THADA: variants seen among roughly 807,000 people sequenced by gnomAD.
THADA encodes the protein tRNA (32-2'-O)-methyltransferase regulator THADA.
A neutral mutation model predicts 219.8 loss-of-function variants in THADA; 213 were observed. The ratio of observed to expected loss-of-function variants is 0.97; its 90% confidence interval spans 0.87 to 1.09. The LOEUF (loss-of-function observed/expected upper bound fraction) is 1.09. THADA is among the 50% of genes least tolerant of loss of function. THADA has a pLI of 0.00. For synonymous variants in THADA, 1,018 were observed against 828.9 expected (o/e 1.23, Z -3.92); for missense variants, 2,956 against 2,311.3 (o/e 1.28, Z -5.72).
At chr2:43,515,087 T>TA (rs1287003380) in intron 22 of THADA, among the ~76,000 whole-genome samples, 14 of 9,348 alleles carry the variant, frequency 1.5e-3, no homozygotes, top group South Asian at 2.7e-3. Context: ...TATATATAAA[T>TA]ATATATATTA....
In THADA at chr2:43,320,555, A is replaced by C; in HGVS notation, c.4344-15T>G. Reference sequence around the variant, plus strand: ...ATGGATTTTGCCTAGAAAGGTAAAGAACAGAATATAAATTGAGATTTTCTC... The same window carrying C: ...ATGGATTTTGCCTAGAAAGGTAAAGCACAGAATATAAATTGAGATTTTCTC... On this transcript the variant is annotated splice_polypyrimidine_tract_variant and intron_variant, in intron 30 of 37. Coordinates refer to ENST00000405975, the MANE Select transcript of THADA (RefSeq NM_022065.5). 1 of 1,589,832 alleles carries C rather than the reference A, an allele frequency of 6.3e-7. No homozygotes were observed. Among genetic ancestry groups the C allele is most frequent in the Non-Finnish European group, 8.6e-7 (1 of 1,161,562 alleles).
chr2:43,487,330 A>G (rs1462610366), intron 25 of THADA, among the ~76,000 whole-genome samples: 1 of 152,180 alleles, frequency 6.6e-6, no homozygotes, highest in Admixed American at 6.5e-5. Flanking sequence ...TCTTGCCCTA[A>G]GCCATACTTT....
chr2:43,421,071 T>C (rs762984522), intron 28 of THADA, among the ~76,000 whole-genome samples: 2 of 152,196 alleles, frequency 1.3e-5, no homozygotes, highest in Non-Finnish European at 2.9e-5. Flanking sequence ...TATTTCAAAA[T>C]GTATGTATCT....
chr2:43,257,868 G>A (rs1035105934), intron 36 of THADA, among the ~76,000 whole-genome samples: 4 of 152,150 alleles, frequency 2.6e-5, no homozygotes, highest in African/African-American at 4.8e-5. Flanking sequence ...TGAGGGTAGG[G>A]GAAAGTCACA....
At chr2:43,325,758 T>C (rs549377801) in intron 30 of THADA, among the ~76,000 whole-genome samples, 1 of 152,242 alleles carries the variant, frequency 6.6e-6, no homozygotes. Context: ...TTTTGTTATG[T>C]ATCAGCTTTC....
intron 24 of THADA, among the ~76,000 whole-genome samples, chr2:43,503,823 T>C (rs954806621): frequency 6.6e-6 from 1 of 152,090 alleles, no homozygotes; most frequent in Non-Finnish European, 1.5e-5. Flanking sequence ...ATTAATCACC[T>C]TGAAGTAGAG....
intron 14 of THADA, among the ~76,000 whole-genome samples, chr2:43,569,020 G>A (rs189182720): frequency 6.6e-6 from 1 of 152,106 alleles, no homozygotes; most frequent in Non-Finnish European, 1.5e-5. Flanking sequence ...TGCTCAGGAT[G>A]GAGTGCAGTG....
At chr2:43,403,466 T>C (rs921237783) in intron 28 of THADA, among the ~76,000 whole-genome samples, 6 of 152,020 alleles carry the variant, frequency 3.9e-5, no homozygotes, top group African/African-American at 1.4e-4. Context: ...GTTGGGGAGG[T>C]ATTTTTGAAC....
intron 8 of THADA, 149 bp downstream of exon 8, chr2:43,581,592 G>T: frequency 1.6e-6 from 1 of 640,600 alleles, no homozygotes; most frequent in Non-Finnish European, 2.5e-6. Context: ...TGTAGTCCAG[G>T]GCCTCCCTCC....
chr2:43,319,437 T>C (rs1382419195), intron 31 of THADA, among the ~76,000 whole-genome samples: 2 of 152,202 alleles, frequency 1.3e-5, no homozygotes, highest in South Asian at 4.1e-4. Flanking sequence ...CACGTTCTTA[T>C]TACCTCTGCA....
rs552465510 is a variant in THADA at position 43,353,799 on chromosome 2, G to T, written c.4228-9562C>A. Among the ~76,000 whole-genome samples the T allele has an allele frequency of 1.0e-3, 153 of 151,300 alleles. 1 individual carries two copies. Among genetic ancestry groups the T allele is most frequent in the African/African-American group, 3.7e-3 (150 of 40,968 alleles). On this transcript the variant is annotated intron_variant, in intron 29 of 37. Coordinates refer to ENST00000405975, the MANE Select transcript of THADA (RefSeq NM_022065.5). ...GCCTCCCAAGTAGCTGGGACTACAG[G>T]CATGGGCCACCAAGCTCAGCTAATT...
chr2:43,448,441 G>C (rs572284260), intron 26 of THADA, among the ~76,000 whole-genome samples: 1 of 152,012 alleles, frequency 6.6e-6, no homozygotes, highest in Admixed American at 6.6e-5. Context: ...TGATCTTGGA[G>C]ATACAAACAC....
chr2:43,537,115 T>G (rs928160447), intron 21 of THADA, among the ~76,000 whole-genome samples: 5 of 152,238 alleles, frequency 3.3e-5, no homozygotes, highest in African/African-American at 1.2e-4. Flanking sequence ...CTACAGTGAT[T>G]TGTTACTAAC....
At chr2:43,300,823 G>T (rs6753197) in intron 31 of THADA, among the ~76,000 whole-genome samples, 32,651 of 152,080 alleles carry the variant, frequency 0.21, 4,308 homozygotes, top group African/African-American at 0.37. Context: ...GCAGCAACTC[G>T]GACTCAAGGA....
intron 22 of THADA, among the ~76,000 whole-genome samples, chr2:43,520,533 C>G (rs1044500965): frequency 2.0e-5 from 3 of 151,898 alleles, no homozygotes; most frequent in African/African-American, 7.3e-5. Flanking sequence ...ACAAAAAATA[C>G]AAAGAAATTA....
chr2:43,566,370 T>G, intron 15 of THADA: 3 of 606,182 alleles, frequency 4.9e-6, no homozygotes, highest in Non-Finnish European at 8.9e-6. Flanking sequence ...ATTTCAAATT[T>G]TAAAACTTAA....
intron 22 of THADA, among the ~76,000 whole-genome samples, chr2:43,520,998 AAAGGGAGGG>A (rs1308061860): frequency 7.7e-4 from 44 of 57,042 alleles, no homozygotes; most frequent in African/African-American, 2.9e-3. Flanking sequence ...GAAAGGGAGG[AAAGGGAGGG>A]AAGGGAGGGA....
rs1678171854 is a variant in THADA at position 43,317,121 on chromosome 2, A to T, written c.4438+3325T>A. The stretch of plus-strand genomic sequence containing the variant: ...ACTTGCCTAAGGTCACAAAGTTAGT[A>T]AATGGCAGATCTAGGATTCAAACCC... On this transcript the variant is annotated intron_variant, in intron 31 of 37. Coordinates refer to ENST00000405975, the MANE Select transcript of THADA (RefSeq NM_022065.5). 2.0e-5 allele frequency among the ~76,000 whole-genome samples: 3 copies of T among 152,228 alleles called. No homozygotes were observed. The South Asian group carries it at 6.2e-4, about 32-fold the overall frequency.
In THADA at chr2:43,577,208, G is replaced by A. The variant is rs371970621; in HGVS notation, c.851C>T (p.Thr284Ile). 3.1e-6 allele frequency: 5 copies of A among 1,600,946 alleles called. No homozygotes were observed. The highest frequency in any genetic ancestry group is 1.3e-5 in the African/African-American group (1 of 74,696). ...SSVLLRSVDC[T>I]SVPEWFMSSC... ...GCTCATAAACCACTCGGGGACACTGGTGCAGTCCACTGAACGAAGCAGCAC... is the reference window on the plus strand; with the variant it reads ...GCTCATAAACCACTCGGGGACACTGATGCAGTCCACTGAACGAAGCAGCAC... The change falls in exon 10 of 38, where the codon ACC becomes ATC. Residue 284 changes from threonine to isoleucine, a missense_variant. Thr to Ile is a moderately conservative substitution (Grantham distance 89). Coordinates refer to ENST00000405975, the MANE Select transcript of THADA (RefSeq NM_022065.5).
Sources: allele counts gnomAD v4.1 joint callset (sites outside exome capture counted in the v4.1 genomes callset), GRCh38; gene constraint gnomAD v4.1.1; transcripts MANE v1.5; gene names NCBI Gene and HGNC (gene_info 2026-07-23, HGNC 2026-07-21).